Variants in TTC23 observed in about 807,000 individuals in gnomAD.
The protein encoded by TTC23 is tetratricopeptide repeat domain 23, also known as tetratricopeptide repeat protein 23.
A neutral mutation model predicts 55.1 loss-of-function variants in TTC23; 58 were observed. The ratio of observed to expected loss-of-function variants is 1.05; its 90% CI spans 0.85 to 1.31. The LOEUF is 1.31. Ranked by LOEUF, TTC23 falls within the 50% of genes most tolerant of loss-of-function variation. TTC23 has a pLI of 0.00. For synonymous variants in TTC23, 203 were observed against 199.9 expected (o/e 1.02, Z -0.13); for missense variants, 516 against 534.4 (o/e 0.97, Z 0.34).
intron 9 of TTC23, among the ~76,000 whole-genome samples, chr15:99,177,423 C>T (rs968192465): frequency 2.0e-5 from 3 of 152,160 alleles, no homozygotes; most frequent in African/African-American, 4.8e-5. Flanking sequence ...TTCCAAATAA[C>T]GGGCACTATG....
chr15:99,225,420 C>A (rs2078313284), intron 5 of TTC23, among the ~76,000 whole-genome samples: 1 of 152,128 alleles, frequency 6.6e-6, no homozygotes, highest in African/African-American at 2.4e-5. Context: ...GAGTCTAAGG[C>A]TGGAAAGTCG....
chr15:99,161,907 C>A (rs1053820982), intron 10 of TTC23, 40 bp from the exon 11 acceptor site: 2 of 1,566,050 alleles, frequency 1.3e-6, no homozygotes, highest in African/African-American at 2.7e-5. Flanking sequence ...AAACTGCTCA[C>A]AGATTTGAAA....
Position 99,200,064 on chromosome 15 carries a change from G to A in TTC23, c.614C>T (p.Ala205Val). 6.2e-7 allele frequency: 1 copy of A among 1,611,748 alleles called. No individual in the cohort carries two copies. The highest frequency in any genetic ancestry group is 8.5e-7 in the Non-Finnish European group (1 of 1,178,760). Reference sequence around the variant, plus strand: ...CAAAGCTGCTTGATAGTGGGACAAAGCTTCTTTTGACTTCTTCTGACCTTG... The same window carrying A: ...CAAAGCTGCTTGATAGTGGGACAAAACTTCTTTTGACTTCTTCTGACCTTG... ...VYQGQKKSKEALSHYQAALEY... is the reference protein window; with the variant it reads ...VYQGQKKSKEVLSHYQAALEY... Residue 205 changes from alanine to valine, a missense_variant, in exon 9 of 14, where the codon GCT becomes GTT. Ala to Val is a moderately conservative substitution (Grantham distance 64). Transcript: ENST00000394132.
intron 11 of TTC23, chr15:99,157,211 GT>G (rs35448548): frequency 0.26 from 27,967 of 108,628 alleles, 3,856 homozygotes; most frequent in African/African-American, 0.43. Flanking sequence ...AAATCTGGAG[GT>G]TTTTTTTTTT....
intron 2 of TTC23, among the ~76,000 whole-genome samples, chr15:99,243,372 G>C (rs1025343250): frequency 1.1e-4 from 17 of 152,144 alleles, no homozygotes; most frequent in African/African-American, 3.9e-4. Context: ...GTGGACAAAG[G>C]GGGACACTCA....
intron 10 of TTC23, among the ~76,000 whole-genome samples, chr15:99,172,249 C>T (rs1467298994): frequency 4.6e-5 from 7 of 151,946 alleles, no homozygotes; most frequent in Non-Finnish European, 2.9e-5. Flanking sequence ...AACTCCTGAC[C>T]TCATGTGATC....
intron 5 of TTC23, among the ~76,000 whole-genome samples, chr15:99,228,093 G>A (rs1304472284): frequency 2.6e-5 from 4 of 152,200 alleles, no homozygotes; most frequent in African/African-American, 9.6e-5. Context: ...TCATACAATA[G>A]ATATTTATGA....
At chr15:99,163,706 G>A (rs2071687923) in intron 10 of TTC23, among the ~76,000 whole-genome samples, 1 of 152,178 alleles carries the variant, frequency 6.6e-6, no homozygotes, top group African/African-American at 2.4e-5. Context: ...CATGAGGATG[G>A]CACCCTCATG....
intron 5 of TTC23, among the ~76,000 whole-genome samples, chr15:99,222,139 A>G (rs957410931): frequency 6.6e-6 from 1 of 152,264 alleles, no homozygotes; most frequent in African/African-American, 2.4e-5. Flanking sequence ...TTTAAAAAAT[A>G]GAAAAAGTAG....
At chr15:99,178,388 T>C (rs1380399977) in intron 9 of TTC23, among the ~76,000 whole-genome samples, 1 of 152,170 alleles carries the variant, frequency 6.6e-6, no homozygotes, top group Admixed American at 6.5e-5. Flanking sequence ...GGAAGGGGGT[T>C]TGACGGGGGA....
chr15:99,199,756 C>T (rs765923644), intron 9 of TTC23, among the ~76,000 whole-genome samples, 163 bp downstream of exon 9: 1 of 152,154 alleles, frequency 6.6e-6, no homozygotes, highest in Non-Finnish European at 1.5e-5. Flanking sequence ...CCCACGTGAC[C>T]ACCTGATAAG....
chr15:99,182,166 T>C (rs1218988864), intron 9 of TTC23, among the ~76,000 whole-genome samples: 1 of 151,932 alleles, frequency 6.6e-6, no homozygotes, highest in Non-Finnish European at 1.5e-5. Flanking sequence ...TGCCTTAACC[T>C]CTTTTTCTCC....
At chr15:99,202,331 G>A (rs1339007292) in intron 8 of TTC23, among the ~76,000 whole-genome samples, 1 of 152,156 alleles carries the variant, frequency 6.6e-6, no homozygotes, top group East Asian at 1.9e-4. Context: ...AAGATGCAGT[G>A]TGCCATTGAA....
At chr15:99,215,420 G>A (rs7178606) in intron 8 of TTC23, among the ~76,000 whole-genome samples, 13,597 of 152,088 alleles carry the variant, frequency 0.089, 974 homozygotes, top group East Asian at 0.3. Flanking sequence ...GGATATAAGT[G>A]ACAAACTCCA....
At chr15:99,168,807 T>C (rs2072513852) in intron 10 of TTC23, among the ~76,000 whole-genome samples, 1 of 152,150 alleles carries the variant, frequency 6.6e-6, no homozygotes, top group Non-Finnish European at 1.5e-5. Flanking sequence ...TGCCAACCCC[T>C]GCAGCCCCTA....
At position 99,137,132 on chromosome 15, in the gene TTC23, G is replaced by A. The variant is rs958756244; in HGVS notation, c.*878C>T. On this transcript the variant is annotated 3_prime_UTR_variant, in exon 14 of 14. Transcript: ENST00000394132. ...TACCCCTGGGTGTTCCATCCACCTC[G>A]ATCTGGCACTGGATCTCCTCGTTGA... The A allele has an allele frequency of 4.6e-5, 7 of 152,264 alleles. No homozygotes were observed. Among genetic ancestry groups the A allele is most frequent in the African/African-American group, 1.4e-4 (6 of 41,434 alleles). 9.4% of individuals were successfully genotyped at this position (152,264 alleles called of 1,614,324 possible).
chr15:99,205,052 ACTAT>A (rs1428687813), intron 8 of TTC23, among the ~76,000 whole-genome samples: 3 of 152,208 alleles, frequency 2.0e-5, no homozygotes, highest in Non-Finnish European at 2.9e-5. Context: ...TGTTGAAGAC[ACTAT>A]CTTTCTCCCA....
chr15:99,165,722 T>C (rs1416603784), intron 10 of TTC23, among the ~76,000 whole-genome samples: 1 of 75,756 alleles, frequency 1.3e-5, no homozygotes, highest in Non-Finnish European at 2.5e-5. Flanking sequence ...GTTACCTCTC[T>C]TCCTCATAGC....
At chr15:99,176,454 T>C (rs554888448) in intron 9 of TTC23, among the ~76,000 whole-genome samples, 7 of 152,002 alleles carry the variant, frequency 4.6e-5, no homozygotes, top group Admixed American at 4.6e-4. Flanking sequence ...CTACAACAAA[T>C]ACAAAAATTA....
Sources: allele counts gnomAD v4.1 joint callset (sites outside exome capture counted in the v4.1 genomes callset), GRCh38; gene constraint gnomAD v4.1.1; transcripts MANE v1.5; gene names NCBI Gene and HGNC (gene_info 2026-07-23, HGNC 2026-07-21).